Variants in PKIB observed in about 807,000 individuals in gnomAD.
PKIB encodes the protein cAMP-dependent protein kinase inhibitor beta.
PKIB carries 2 observed loss-of-function variants against 4.5 expected under a neutral mutation model. That is an observed-to-expected ratio of 0.44 (90% CI 0.18 to 1.39). The LOEUF (loss-of-function observed/expected upper bound fraction) is 1.39, where lower values mean the gene tolerates loss of function less well. PKIB is among the 40% of genes most tolerant of loss of function. The pLI, the probability that PKIB is intolerant of heterozygous loss-of-function variation, is 0.27. For synonymous variants in PKIB, 38 were observed against 36.0 expected, an observed-to-expected ratio of 1.06 and a Z score of -0.20; for missense variants, 94 against 92.6, an observed-to-expected ratio of 1.02 and a Z score of -0.06.
In PKIB at chr6:122,700,116, A is replaced by G. The variant is rs1582824594; in HGVS notation, c.-8-17671A>G. On this transcript the variant is annotated intron_variant, in intron 3 of 4. Coordinates refer to ENST00000368452, the MANE Select transcript of PKIB (RefSeq NM_181795.3). ...TATCTTGGCTATATAAATGCCTTTA[A>G]TATATTTTGAATTTCCAATTGGGTC... is the stretch of plus-strand genomic sequence containing the variant. Among the ~76,000 whole-genome samples, 15 of 152,156 alleles carry G rather than the reference A, an allele frequency of 9.9e-5. 2 individuals carry two copies. In the South Asian group the frequency reaches 3.1e-3, roughly 32 times the overall value.
intron 1 of PKIB, among the ~76,000 whole-genome samples, chr6:122,612,590 T>G (rs1774807708): frequency 6.6e-6 from 1 of 152,208 alleles, no homozygotes; most frequent in East Asian, 1.9e-4. Flanking sequence ...AGCATAATGT[T>G]TTTGGGGTTC....
chr6:122,619,043 G>A (rs1331289241), intron 1 of PKIB, among the ~76,000 whole-genome samples: 1 of 151,998 alleles, frequency 6.6e-6, no homozygotes, highest in East Asian at 1.9e-4. Context: ...AATATTTTTA[G>A]TTATTTTTAT....
chr6:122,663,502 T>G lies in PKIB; in HGVS notation c.-75-11576T>G, dbSNP rs547502446. Among the ~76,000 whole-genome samples the G allele has an allele frequency of 2.0e-5, 3 of 152,280 alleles. No individual in the cohort carries two copies. In the East Asian group the frequency reaches 5.8e-4, roughly 29 times the overall value. On this transcript the variant is annotated intron_variant, in intron 2 of 4. Coordinates refer to ENST00000368452, the MANE Select transcript of PKIB (RefSeq NM_181795.3). ...CAAAGGAAATTTATTTGCTCATAGT[T>G]CTGGAGGCCAGAAGCCTAAACTCAA...
intron 1 of PKIB, among the ~76,000 whole-genome samples, chr6:122,626,205 T>C (rs1775438730): frequency 6.6e-6 from 1 of 152,238 alleles, no homozygotes; most frequent in African/African-American, 2.4e-5. Flanking sequence ...ACTTTAGTGG[T>C]TCATATTTTC....
chr6:122,676,224 T>C (rs1341087122), intron 3 of PKIB, among the ~76,000 whole-genome samples: 1 of 151,842 alleles, frequency 6.6e-6, no homozygotes, highest in Non-Finnish European at 1.5e-5. Context: ...CCTAGATCCC[T>C]CACATACACA....
chr6:122,567,629 T>A (rs1367091317), intron 2 of PKIB, among the ~76,000 whole-genome samples: 1 of 152,164 alleles, frequency 6.6e-6, no homozygotes, highest in Non-Finnish European at 1.5e-5. Flanking sequence ...TACTATTAAA[T>A]GAAAAAAGCA....
chr6:122,616,910 G>A (rs1775015056), intron 1 of PKIB, among the ~76,000 whole-genome samples: 1 of 152,136 alleles, frequency 6.6e-6, no homozygotes, highest in African/African-American at 2.4e-5. Flanking sequence ...AAGACGAGTA[G>A]GCAAAGAGAG....
intron 1 of PKIB, among the ~76,000 whole-genome samples, chr6:122,620,787 A>G (rs1006155853): frequency 5.9e-5 from 9 of 152,204 alleles, no homozygotes; most frequent in African/African-American, 2.2e-4. Flanking sequence ...ATTTTTAATT[A>G]GGATTTTTAA....
chr6:122,555,967 T>G (rs554773590), intron 2 of PKIB, among the ~76,000 whole-genome samples: 1 of 152,274 alleles, frequency 6.6e-6, no homozygotes, highest in East Asian at 1.9e-4. Flanking sequence ...GGCATTTAGA[T>G]CTATGCTTTT....
intron 3 of PKIB, among the ~76,000 whole-genome samples, chr6:122,682,560 A>T (rs1391168759): frequency 2.0e-5 from 3 of 152,112 alleles, no homozygotes; most frequent in Admixed American, 6.6e-5. Context: ...TTGGCATAAA[A>T]CCTCAATAAA....
At chr6:122,530,556 A>T (rs535514194) in intron 2 of PKIB, among the ~76,000 whole-genome samples, 1 of 152,210 alleles carries the variant, frequency 6.6e-6, no homozygotes, top group South Asian at 2.1e-4. Context: ...ACCCTCTCCC[A>T]GTTATGTACT....
chr6:122,681,872 G>T (rs1030361162), intron 3 of PKIB, among the ~76,000 whole-genome samples: 9 of 152,200 alleles, frequency 5.9e-5, no homozygotes, highest in Admixed American at 5.2e-4. Flanking sequence ...GCTTGGATAT[G>T]GCTTAAGAAA....
chr6:122,640,441 T>C (rs1776078920), intron 2 of PKIB, among the ~76,000 whole-genome samples: 2 of 152,208 alleles, frequency 1.3e-5, no homozygotes, highest in Non-Finnish European at 2.9e-5. Flanking sequence ...CAATTTCTAC[T>C]TTGTAGTATT....
chr6:122,483,993 A>G (rs1425323251), intron 2 of PKIB: 1 of 152,210 alleles, frequency 6.6e-6, no homozygotes, highest in East Asian at 1.9e-4. Context: ...CTAGGATAGA[A>G]TACATCTGTA....
chr6:122,662,723 C>T (rs959864590), intron 2 of PKIB, among the ~76,000 whole-genome samples: 9 of 152,248 alleles, frequency 5.9e-5, no homozygotes, highest in African/African-American at 2.2e-4. Flanking sequence ...ACATTTCTAA[C>T]AACTACTGAA....
chr6:122,626,208 A>G (rs946799463), intron 1 of PKIB, among the ~76,000 whole-genome samples: 15 of 152,242 alleles, frequency 9.9e-5, no homozygotes, highest in African/African-American at 3.6e-4. Flanking sequence ...TTAGTGGTTC[A>G]TATTTTCACA....
At chr6:122,567,473 A>G (rs1283537527) in intron 2 of PKIB, among the ~76,000 whole-genome samples, 1 of 152,230 alleles carries the variant, frequency 6.6e-6, no homozygotes, top group Non-Finnish European at 1.5e-5. Flanking sequence ...TAAACTATCT[A>G]TACTTGAAGC....
At chr6:122,677,927 A>C (rs944472050) in intron 3 of PKIB, among the ~76,000 whole-genome samples, 6 of 147,656 alleles carry the variant, frequency 4.1e-5, no homozygotes, top group Non-Finnish European at 7.4e-5. Context: ...TTTTTGTTTG[A>C]AATGGAGTCT....
chr6:122,649,713 TTGGTGGCCCA>T lies in PKIB; in HGVS notation c.-76+16352_-76+16361del, dbSNP rs1364958243. Among the ~76,000 whole-genome samples the T allele has an allele frequency of 1.2e-4, 18 of 152,310 alleles. 1 individual carries two copies. In the South Asian group the frequency reaches 3.7e-3, roughly 32 times the overall value. ...TGGGCAGCTTAGATTTCATAGTAAC[TTGGTGGCCCA>T]TGGTGAGGTGTTCAGTTTCTATATA... On this transcript the variant is annotated intron_variant, in intron 2 of 4. Transcript: ENST00000368452.
Sources: allele counts gnomAD v4.1 joint callset (sites outside exome capture counted in the v4.1 genomes callset), GRCh38; gene constraint gnomAD v4.1.1; transcripts MANE v1.5; gene names NCBI Gene and HGNC (gene_info 2026-07-23, HGNC 2026-07-21).